Variants in PCDHGB3 observed in about 807,000 individuals in gnomAD.
PCDHGB3 encodes the protein protocadherin gamma-B3.
PCDHGB3 carries 40 observed loss-of-function variants against 59.2 expected under a neutral mutation model. That is an observed-to-expected ratio of 0.68 (90% confidence interval 0.52 to 0.88). The LOEUF is 0.88. Ranked by LOEUF, PCDHGB3 falls within the 40% of genes least tolerant of loss-of-function variation. PCDHGB3 has a pLI of 0.00. For missense variants in PCDHGB3, 1,309 were observed against 1,187.9 expected (o/e 1.10, Z -1.50); for synonymous variants, 581 against 503.6 (o/e 1.15, Z -2.06).
At chr5:141,403,803 T>C (rs1323082699) in intron 1 of PCDHGB3, 5 of 1,613,668 alleles carry the variant, frequency 3.1e-6, no homozygotes. Context: ...TTCTGGAAAA[T>C]TAATGAAAAA....
At chr5:141,500,789 C>G (rs1006758925) in intron 2 of PCDHGB3, among the ~76,000 whole-genome samples, 2 of 152,142 alleles carry the variant, frequency 1.3e-5, no homozygotes, top group African/African-American at 4.8e-5. Flanking sequence ...TATTATTTTA[C>G]AGAATAAGTC....
At chr5:141,483,084 CA>C (rs898059463) in intron 1 of PCDHGB3, among the ~76,000 whole-genome samples, 4 of 150,440 alleles carry the variant, frequency 2.7e-5, no homozygotes, top group Middle Eastern at 3.4e-3. Flanking sequence ...GACTCCATCT[CA>C]AAAAAAAAGT....
chr5:141,393,214 A>G, intron 1 of PCDHGB3: 1 of 1,613,636 alleles, frequency 6.2e-7, no homozygotes, highest in East Asian at 2.2e-5. Flanking sequence ...CCAAAATTCC[A>G]GGTCGAAGAT....
chr5:141,392,498 A>AT (rs201401101), intron 1 of PCDHGB3: 334 of 217,284 alleles, frequency 1.5e-3, no homozygotes, highest in East Asian at 0.014. Flanking sequence ...TAAGCAAATG[A>AT]TTTTTTTTTC....
chr5:141,413,077 G>A (rs2095603422), intron 1 of PCDHGB3: 1 of 1,287,542 alleles, frequency 7.8e-7, no homozygotes, highest in African/African-American at 1.5e-5. Context: ...AAGTGCCCAG[G>A]CTACAGAGAC....
rs764337284 is a variant in PCDHGB3, at chr5:141,490,255, G to A, written c.2416-4552G>A. Reference sequence around the variant, plus strand: ...GGAGGGCCACTGTGTGATTCAAGTGGATGTGGGGGATGTCAATGACAATGC... The same window carrying A: ...GGAGGGCCACTGTGTGATTCAAGTGAATGTGGGGGATGTCAATGACAATGC... On this transcript the variant is annotated intron_variant, in intron 1 of 3. Transcript: ENST00000576222. The surrounding 1 kb of genome is among the most constrained non-coding windows in gnomAD (Gnocchi z 5.4). 6 of 1,614,118 alleles carry A rather than the reference G, an allele frequency of 3.7e-6. No individual in the cohort carries two copies. In the Admixed American group the frequency reaches 6.7e-5, roughly 18 times the overall value.
Position 141,485,261 on chromosome 5 carries a change from C to G in PCDHGB3, c.2416-9546C>G, listed in dbSNP as rs759268725. 1 of 1,614,076 alleles carries G rather than the reference C, an allele frequency of 6.2e-7. No homozygotes were observed. The highest frequency in any genetic ancestry group is 8.5e-7 in the Non-Finnish European group (1 of 1,179,904). On this transcript the variant is annotated intron_variant, in intron 1 of 3. Transcript: ENST00000576222. This position sits in a 1 kb window ranked among gnomAD's most constrained non-coding sequence, Gnocchi z 5.7. The stretch of plus-strand genomic sequence containing the variant: ...TTACCACCTGGGTTACGTTTGTGGG[C>G]AGATCCGCTACCCGGTCCCAGAGGA...
intron 3 of PCDHGB3, among the ~76,000 whole-genome samples, chr5:141,509,064 C>T (rs890846779): frequency 6.6e-6 from 1 of 152,184 alleles, no homozygotes; most frequent in African/African-American, 2.4e-5. Flanking sequence ...AAGCTCTCAG[C>T]TCCGGGGATT....
At chr5:141,501,329 ACACACC>A (rs1456568693) in intron 2 of PCDHGB3, among the ~76,000 whole-genome samples, 16 of 148,226 alleles carry the variant, frequency 1.1e-4, no homozygotes, top group Non-Finnish European at 2.2e-4. Context: ...ACACACACAC[ACACACC>A]CCAAACTCAA....
At chr5:141,392,901 C>G in intron 1 of PCDHGB3, 1 of 1,613,832 alleles carries the variant, frequency 6.2e-7, no homozygotes, top group Non-Finnish European at 8.5e-7. Context: ...CGGGAGGGGA[C>G]AGATTCGCTA....
intron 1 of PCDHGB3, among the ~76,000 whole-genome samples, chr5:141,483,164 T>C (rs1051456583): frequency 1.1e-4 from 17 of 152,148 alleles, no homozygotes; most frequent in Non-Finnish European, 2.5e-4. Context: ...AGATCCTGAG[T>C]TACCTTTGGG....
intron 1 of PCDHGB3, chr5:141,383,669 T>C (rs1208890643): frequency 1.2e-6 from 2 of 1,613,784 alleles, no homozygotes; most frequent in Non-Finnish European, 1.7e-6. Flanking sequence ...AATGTGCCAG[T>C]GGGTACAAGA....
intron 1 of PCDHGB3, chr5:141,478,453 C>T: frequency 6.2e-7 from 1 of 1,613,594 alleles, no homozygotes; most frequent in Non-Finnish European, 8.5e-7. Context: ...CTGGTGCAGC[C>T]AGTCCACTGG....
rs1289333371 is a variant in PCDHGB3, at chr5:141,460,404, G to C, written c.2416-34403G>C. Among the ~76,000 whole-genome samples, 21 of 152,038 alleles carry C rather than the reference G, an allele frequency of 1.4e-4. 1 individual carries two copies. The highest frequency in any genetic ancestry group is 1.4e-3 in the Admixed American group (21 of 15,256). Reference sequence around the variant, plus strand: ...TATAATTTGGTCTATGAATCCTTTTGAGTTGATGTTTATGTATGGTGTATG... The same window carrying C: ...TATAATTTGGTCTATGAATCCTTTTCAGTTGATGTTTATGTATGGTGTATG... On this transcript the variant is annotated intron_variant, in intron 1 of 3. Transcript: ENST00000576222.
At chr5:141,385,897 T>G (rs1239530596) in intron 1 of PCDHGB3, 1 of 152,628 alleles carries the variant, frequency 6.6e-6, no homozygotes, top group East Asian at 1.9e-4. Flanking sequence ...GAAATGTGTG[T>G]GTATCACACT....
chr5:141,450,490 T>C (rs1480357834), intron 1 of PCDHGB3, among the ~76,000 whole-genome samples: 1 of 152,164 alleles, frequency 6.6e-6, no homozygotes, highest in Non-Finnish European at 1.5e-5. Context: ...TTTGTTTGTC[T>C]GTTTGTTTGT....
chr5:141,374,181 A>C (rs765792921), intron 1 of PCDHGB3: 2 of 1,613,530 alleles, frequency 1.2e-6, no homozygotes, highest in African/African-American at 2.7e-5. Flanking sequence ...CAGATCCGCT[A>C]CTCTATTCCC....
At chr5:141,380,802 T>A (rs1776746309) in intron 1 of PCDHGB3, among the ~76,000 whole-genome samples, 1 of 152,118 alleles carries the variant, frequency 6.6e-6, no homozygotes, top group African/African-American at 2.4e-5. Context: ...AAGAAACAAA[T>A]GTGAGATGAA....
At chr5:141,422,716 G>T (rs1348237465) in intron 1 of PCDHGB3, 1 of 1,604,378 alleles carries the variant, frequency 6.2e-7, no homozygotes, top group African/African-American at 1.3e-5. Context: ...GGATGACACT[G>T]TCCAGGGGGT....
Sources: gnomAD v4.1 joint callset for allele counts (sites outside exome capture counted in the v4.1 genomes callset) on GRCh38, gnomAD v4.1.1 for gene constraint, Gnocchi (gnomAD v3.1) non-coding constraint, MANE v1.5 for transcripts, NCBI Gene and HGNC (gene_info 2026-07-23, HGNC 2026-07-21) for gene names.